CLTRN: variants seen among roughly 807,000 people sequenced by gnomAD.
CLTRN encodes the protein collectrin.
CLTRN carries 12 observed loss-of-function variants against 14.5 expected under a neutral mutation model. The ratio of observed to expected loss-of-function variants is 0.83; its 90% CI spans 0.53 to 1.34. CLTRN has a LOEUF of 1.34. Among genes scored for constraint, CLTRN ranks in the 40% most tolerant of loss-of-function variants. CLTRN has a pLI of 0.00. For missense variants in CLTRN, 154 were observed against 165.1 expected (o/e 0.93, Z 0.37); for synonymous variants, 58 against 56.5 (o/e 1.03, Z -0.12).
intron 3 of CLTRN, chrX:15,646,468 C>T: frequency 3.9e-6 from 1 of 255,889 alleles, no homozygotes; most frequent in East Asian, 1.4e-4. Flanking sequence ...ACCCACCCCC[C>T]CGCCCGACCC....
At chrX:15,642,424 C>T (rs938647987) in intron 4 of CLTRN, among the ~76,000 whole-genome samples, 5 of 112,522 alleles carry the variant, frequency 4.4e-5, no homozygotes, top group African/African-American at 1.6e-4. Flanking sequence ...AAGTCCAGTA[C>T]TCTTTTTTGC....
chrX:15,664,982 G>A, upstream of CLTRN: 1 of 416,356 alleles, frequency 2.4e-6, no homozygotes, highest in East Asian at 4.1e-5. Flanking sequence ...ATGAAAACCT[G>A]TTTGGAAAAC....
At chrX:15,675,219 C>T (rs763229952), upstream of CLTRN, among the ~76,000 whole-genome samples, 102 of 112,058 alleles carry the variant, frequency 9.1e-4, no homozygotes, top group African/African-American at 3.1e-3. Flanking sequence ...GCGGGACGGT[C>T]GGCCTCAGGC....
At position 15,659,096 on chromosome X, in the gene CLTRN, G is replaced by C. The variant is rs1214554213; in HGVS notation, c.123C>G (p.Ala41=). ...AGAGGTATTCTTCATTGGTATCCCA[G>C]GCATACTGAAAAAGAAGGAAAACAA... ...IRTALGDKAY[A]WDTNEEYLFK... Residue 41 remains alanine (A), a synonymous_variant, in exon 3 of 6, where the codon GCC becomes GCG. Transcript: ENST00000380342. 1.7e-5 allele frequency: 20 copies of C among 1,148,952 alleles called. No homozygotes were observed. Among genetic ancestry groups the C allele is most frequent in the Non-Finnish European group, 2.4e-5 (20 of 849,394 alleles). The allele number at this position is 1,148,952 out of a possible 1,213,427, so 94.7% of individuals were successfully genotyped here.
intron 3 of CLTRN, among the ~76,000 whole-genome samples, chrX:15,657,823 T>C (rs959324277): frequency 2.7e-5 from 3 of 112,162 alleles, no homozygotes; most frequent in Non-Finnish European, 5.6e-5. Flanking sequence ...TTCTTTTCAT[T>C]TTTTGAATCA....
At chrX:15,637,769 T>G (rs1373239062) in intron 5 of CLTRN, among the ~76,000 whole-genome samples, 1 of 112,270 alleles carries the variant, frequency 8.9e-6, no homozygotes, top group African/African-American at 3.2e-5. Context: ...ACTCTATGTA[T>G]TAACTCTTTT....
chrX:15,662,158 G>A (rs1929522746), intron 2 of CLTRN, among the ~76,000 whole-genome samples: 2 of 110,295 alleles, frequency 1.8e-5, no homozygotes, highest in Non-Finnish European at 1.9e-5. Context: ...TCTCTAGAGA[G>A]AGAACTGATG....
chrX:15,672,238 T>C (rs1929733061), intron 1 of CLTRN, among the ~76,000 whole-genome samples: 1 of 112,112 alleles, frequency 8.9e-6, no homozygotes, highest in South Asian at 3.7e-4. Context: ...TTTCATCTTG[T>C]GCATGGAGAC....
intron 3 of CLTRN, chrX:15,646,470 G>T: frequency 6.8e-6 from 1 of 147,630 alleles, no homozygotes. Context: ...CCACCCCCCC[G>T]CCCGACCCCC....
chrX:15,670,877 CAAGTGTGTGTGTGT>C (rs1472716853), intron 1 of CLTRN, among the ~76,000 whole-genome samples: 4 of 76,697 alleles, frequency 5.2e-5, no homozygotes, highest in African/African-American at 1.5e-4. Flanking sequence ...AAAAGGGAGA[CAAGTGTGTGTGTGT>C]GTGTGTGTGT....
At chrX:15,639,816 A>G in intron 4 of CLTRN, 60 bp from the exon 5 acceptor site, 13 of 1,002,500 alleles carry the variant, frequency 1.3e-5, no homozygotes, top group Non-Finnish European at 1.6e-5. Context: ...CTATTAAGAC[A>G]AAGTACAAAC....
rs1352998125 is a variant in CLTRN, at chrX:15,646,888, T to A, written c.204-1859A>T. 2.4e-5 allele frequency: 7 copies of A among 286,694 alleles called. No individual in the cohort carries two copies. In the Admixed American group the frequency reaches 2.5e-4, roughly 10 times the overall value. The allele number at this position is 286,694 out of a possible 1,213,427, so 23.6% of individuals were successfully genotyped here. ...GATGCCCAGGCCATCTGCCTTCGGG[T>A]CTGTGATGAGAAACGGAGTGGCCCA... On this transcript the variant is annotated intron_variant, in intron 3 of 5. Transcript: ENST00000380342.
chrX:15,649,030 T>C (rs1929156801), intron 3 of CLTRN, among the ~76,000 whole-genome samples: 1 of 112,070 alleles, frequency 8.9e-6, no homozygotes, highest in Non-Finnish European at 1.9e-5. Context: ...ATGAATTTCA[T>C]GGTATTCCCC....
rs896978281 is a variant in CLTRN at position 15,647,279 on chromosome X, G to A, written c.204-2250C>T. Among the ~76,000 whole-genome samples the A allele has an allele frequency of 2.8e-5, 3 of 109,072 alleles. No individual in the cohort carries two copies. The East Asian group carries it at 8.6e-4, about 31-fold the overall frequency. The allele number at this position is 109,072 out of a possible 115,157, so 94.7% of individuals were successfully genotyped here. On this transcript the variant is annotated intron_variant, in intron 3 of 5. Coordinates refer to ENST00000380342, the MANE Select transcript of CLTRN (RefSeq NM_020665.6). ...CGGGGCACTTCCCACTGCTCCAGCC[G>A]ACCACTCAGCGAGCCCCAGGCCCAC...
intron 3 of CLTRN, among the ~76,000 whole-genome samples, chrX:15,655,958 C>G (rs1363010328): frequency 8.9e-6 from 1 of 111,939 alleles, no homozygotes; most frequent in Admixed American, 9.5e-5. Context: ...TGGGGACCAA[C>G]TCATCAGCAT....
At chrX:15,672,514 T>TGGGGGC (rs1313661307) in intron 1 of CLTRN, among the ~76,000 whole-genome samples, 7 of 21,139 alleles carry the variant, frequency 3.3e-4, no homozygotes, top group Non-Finnish European at 5.3e-4. Context: ...ATAAAGGGTG[T>TGGGGGC]GGGGGCGGGG....
At chrX:15,668,142 T>A (rs1188802479), upstream of CLTRN, among the ~76,000 whole-genome samples, 1 of 112,515 alleles carries the variant, frequency 8.9e-6, no homozygotes, top group Non-Finnish European at 1.9e-5. Flanking sequence ...CCAGAATGGA[T>A]GACCAATGCT....
At chrX:15,664,121 T>C (rs1929568610) in intron 2 of CLTRN, among the ~76,000 whole-genome samples, 3 of 112,520 alleles carry the variant, frequency 2.7e-5, no homozygotes, top group Non-Finnish European at 5.6e-5. Flanking sequence ...ACTTCACATG[T>C]TGCCTAGCAT....
chrX:15,635,361 C>T lies in CLTRN; in HGVS notation c.512+4201G>A, dbSNP rs150076317. 4.2e-3 allele frequency among the ~76,000 whole-genome samples: 470 copies of T among 111,787 alleles called. 3 individuals carry two copies. The highest frequency in any genetic ancestry group is 0.015 in the African/African-American group (456 of 30,780). Reference sequence around the variant, plus strand: ...AACCAATTCACCACTATTGTGGTGACCAGTAGACCTCATAGAATTATTTGC... The same window carrying T: ...AACCAATTCACCACTATTGTGGTGATCAGTAGACCTCATAGAATTATTTGC... On this transcript the variant is annotated intron_variant, in intron 5 of 5. Transcript: ENST00000380342.
Sources: gnomAD v4.1 joint callset for allele counts (sites outside exome capture counted in the v4.1 genomes callset) on GRCh38, gnomAD v4.1.1 for gene constraint, MANE v1.5 for transcripts, NCBI Gene and HGNC (gene_info 2026-07-23, HGNC 2026-07-21) for gene names.